Variants in PIP5KL1 observed in about 807,000 individuals in gnomAD.
PIP5KL1 encodes phosphatidylinositol 4-phosphate 5-kinase-like protein 1.
A neutral mutation model predicts 47.6 loss-of-function variants in PIP5KL1; 45 were observed. The ratio of observed to expected loss-of-function variants is 0.94; its 90% CI spans 0.74 to 1.21. The LOEUF is 1.21. Among genes scored for constraint, PIP5KL1 ranks in the 50% most tolerant of loss-of-function variants. The pLI is 0.00. For synonymous variants in PIP5KL1, 256 were observed against 234.6 expected (o/e 1.09, Z -0.84); for missense variants, 577 against 547.6 (o/e 1.05, Z -0.54).
At chr9:127,922,694 CAAAAAAA>C (rs386416269) in intron 9 of PIP5KL1, among the ~76,000 whole-genome samples, 8 of 89,558 alleles carry the variant, frequency 8.9e-5, no homozygotes, top group African/African-American at 1.8e-4. Context: ...GACTCTGTCT[CAAAAAAA>C]AAAAAAAAAA....
chr9:127,925,326 C>G, intron 8 of PIP5KL1, 66 bp from the exon 9 acceptor site: 1 of 1,559,136 alleles, frequency 6.4e-7, no homozygotes, highest in African/African-American at 1.4e-5. Context: ...TCCACACACT[C>G]TGCCCCGTGA....
At chr9:127,924,460 C>CAGG (rs990177642) in intron 9 of PIP5KL1, among the ~76,000 whole-genome samples, 9 of 147,882 alleles carry the variant, frequency 6.1e-5, no homozygotes, top group Non-Finnish European at 1.2e-4. Context: ...CACTGTACTC[C>CAGG]AGCCTGGGCT....
At chr9:127,923,616 A>G (rs1177422374) in intron 9 of PIP5KL1, among the ~76,000 whole-genome samples, 1 of 152,232 alleles carries the variant, frequency 6.6e-6, no homozygotes, top group Non-Finnish European at 1.5e-5. Flanking sequence ...TGTCCAGCCC[A>G]GCCAAAGGCC....
chr9:127,923,476 G>A lies in PIP5KL1; in HGVS notation c.918-1362C>T, dbSNP rs141508200. 7.9e-5 allele frequency among the ~76,000 whole-genome samples: 12 copies of A among 152,390 alleles called. No homozygotes were observed. In the East Asian group the frequency reaches 2.3e-3, roughly 29 times the overall value. Reference sequence around the variant, plus strand: ...AATTCCATGCAAACCAGGACTCACTGACTGAATGACAGCGGTGGCCTAAGT... The same window carrying A: ...AATTCCATGCAAACCAGGACTCACTAACTGAATGACAGCGGTGGCCTAAGT... On this transcript the variant is annotated intron_variant, in intron 9 of 9. Transcript: ENST00000388747.
Position 127,925,273 on chromosome 9 carries a change from C to T in PIP5KL1, c.764-13G>A. 6.2e-7 allele frequency: 1 copy of T among 1,610,166 alleles called. No individual in the cohort carries two copies. Among genetic ancestry groups the T allele is most frequent in the Non-Finnish European group, 8.5e-7 (1 of 1,179,864 alleles). On this transcript the variant is annotated splice_polypyrimidine_tract_variant and intron_variant, in intron 8 of 9. Coordinates refer to ENST00000388747, the MANE Select transcript of PIP5KL1 (RefSeq NM_001135219.2). Reference sequence around the variant, plus strand: ...CTCCGCTGGGGCCCTGCCGGAGCATCAGTGCCCCCACCTGAGCGCTCATCA... The same window carrying T: ...CTCCGCTGGGGCCCTGCCGGAGCATTAGTGCCCCCACCTGAGCGCTCATCA...
chr9:127,928,028 C>A, intron 4 of PIP5KL1, 37 bp downstream of exon 4: 2 of 1,493,770 alleles, frequency 1.3e-6, no homozygotes, highest in South Asian at 2.7e-5. Context: ...CCAGGGGTAC[C>A]ACTCCCACCC....
rs1311229692 is a variant in PIP5KL1, at chr9:127,925,962, C to G, written c.668G>C (p.Cys223Ser). Residue 223 changes from cysteine to serine, a missense_variant, in exon 8 of 10, where the codon TGC becomes TCC. By Grantham distance (112) the Cys-to-Ser change is moderately radical. Coordinates refer to ENST00000388747, the MANE Select transcript of PIP5KL1 (RefSeq NM_001135219.2). ...GGGATCCACCCAGCGGCTCACCTCG[C>G]AGCCTTTGATGTCATACCTGGGTGG... The part of the protein sequence containing the change: ...RISERYDIKG[C>S]EVSRWVDPAP... The G allele has an allele frequency of 1.2e-6, 2 of 1,613,394 alleles. No homozygotes were observed.
chr9:127,928,070 G>A lies in PIP5KL1; in HGVS notation c.429C>T (p.Phe143=), dbSNP rs375121307. 1.8e-4 allele frequency: 275 copies of A among 1,567,048 alleles called. No homozygotes were observed. The highest frequency in any genetic ancestry group is 2.3e-4 in the Non-Finnish European group (262 of 1,158,320). Residue 143 remains phenylalanine, a synonymous_variant, in exon 4 of 10, where the codon TTC becomes TTT. Transcript: ENST00000388747. ...CACCCCTGCCGCAAGCTCACGACAGGAAGAAGCTGGCCTTGCTCTTGGAGG... is the reference window on the plus strand; with the variant it reads ...CACCCCTGCCGCAAGCTCACGACAGAAAGAAGCTGGCCTTGCTCTTGGAGG... ...LSTSKSKASF[F]LSHDQRFFLK... is the part of the protein sequence containing the mutation.
At chr9:127,924,416 G>A (rs1299792925) in intron 9 of PIP5KL1, among the ~76,000 whole-genome samples, 4 of 151,598 alleles carry the variant, frequency 2.6e-5, no homozygotes, top group Admixed American at 1.3e-4. Flanking sequence ...GCTTGAACCC[G>A]AGAGGCGGAG....
At chr9:127,926,302 G>T (rs1372804964) in intron 7 of PIP5KL1, among the ~76,000 whole-genome samples, 4 of 150,328 alleles carry the variant, frequency 2.7e-5, no homozygotes, top group Non-Finnish European at 5.9e-5. Context: ...TGTCACCCAG[G>T]CTGGAGTGCA....
Position 127,927,595 on chromosome 9 carries a change from G to T in PIP5KL1, c.559+53C>A. On this transcript the variant is annotated intron_variant, in intron 5 of 9. Coordinates refer to ENST00000388747, the MANE Select transcript of PIP5KL1 (RefSeq NM_001135219.2). The surrounding 1 kb of genome is among the most constrained non-coding windows in gnomAD (Gnocchi z 5.5). ...CGCCCACATACCCCGCCCTCCCCAG[G>T]TATATGATGACCTAGGACCCGCCCC... 1 of 1,388,664 alleles carries T rather than the reference G, an allele frequency of 7.2e-7. No individual in the cohort carries two copies. The highest frequency in any genetic ancestry group is 9.4e-7 in the Non-Finnish European group (1 of 1,067,080). 86.0% of individuals were successfully genotyped at this position (1,388,664 alleles called of 1,614,324 possible).
chr9:127,924,284 G>A (rs1831328319), intron 9 of PIP5KL1, among the ~76,000 whole-genome samples: 1 of 152,078 alleles, frequency 6.6e-6, no homozygotes, highest in Admixed American at 6.5e-5. Flanking sequence ...GAGGTCAGGA[G>A]TTCAAGACCA....
Position 127,929,562 on chromosome 9 carries a change from CCTCT to C in PIP5KL1, c.228+122_228+125del. On this transcript the variant is annotated intron_variant, in intron 2 of 9. Coordinates refer to ENST00000388747, the MANE Select transcript of PIP5KL1 (RefSeq NM_001135219.2). This position sits in a 1 kb window ranked among gnomAD's most constrained non-coding sequence, Gnocchi z 4.0. Reference sequence around the variant, plus strand: ...CAGCTCCCACACCACAATGTTCCTCCCTCTCTGCCTTCCTCCCCTTGATATCCCT... The same window carrying C: ...CAGCTCCCACACCACAATGTTCCTCCCTGCCTTCCTCCCCTTGATATCCCT... 9.7e-7 allele frequency: 1 copy of C among 1,031,474 alleles called. No individual in the cohort carries two copies. Among genetic ancestry groups the C allele is most frequent in the South Asian group, 1.8e-5 (1 of 56,446 alleles). 63.9% of individuals were successfully genotyped at this position (1,031,474 alleles called of 1,614,324 possible). A position where few individuals can be genotyped will look rare whatever the true frequency, so the allele number is the denominator to read the frequency against.
intron 9 of PIP5KL1, among the ~76,000 whole-genome samples, chr9:127,922,332 G>GA (rs11413917): frequency 0.81 from 123,308 of 152,192 alleles, 50,456 homozygotes; most frequent in Non-Finnish European, 0.87. Context: ...ACTGAGCCTT[G>GA]AATGTGGCTA....
chr9:127,921,590 C>A lies in PIP5KL1; in HGVS notation c.*257G>T, dbSNP rs1338367862. 8 of 514,216 alleles carry A rather than the reference C, an allele frequency of 1.6e-5. No homozygotes were observed. Among genetic ancestry groups the A allele is most frequent in the Non-Finnish European group, 2.4e-5 (7 of 288,104 alleles). 31.9% of individuals were successfully genotyped at this position (514,216 alleles called of 1,614,324 possible). A position where few individuals can be genotyped will look rare whatever the true frequency, so the allele number is the denominator to read the frequency against. ...TTGATCAGTCCCTTCACCCCCTGAG[C>A]CTCCATTTCATGGTCTGTAAAAAGA... On this transcript the variant is annotated 3_prime_UTR_variant, in exon 10 of 10. Coordinates refer to ENST00000388747, the MANE Select transcript of PIP5KL1 (RefSeq NM_001135219.2).
rs116524012 is a variant in PIP5KL1 at position 127,922,936 on chromosome 9, A to C, written c.918-822T>G. Among the ~76,000 whole-genome samples the C allele has an allele frequency of 9.3e-3, 1,420 of 152,272 alleles. 15 individuals carry two copies. Among genetic ancestry groups the C allele is most frequent in the African/African-American group, 0.032 (1,336 of 41,532 alleles). On this transcript the variant is annotated intron_variant, in intron 9 of 9. Transcript: ENST00000388747. ...TTTCTACTGGGTAGCACTGGTCTATAGCTTTTGCGTCACACAGACCCTGGA... is the reference window on the plus strand; with the variant it reads ...TTTCTACTGGGTAGCACTGGTCTATCGCTTTTGCGTCACACAGACCCTGGA...
rs1831283259 is a variant in PIP5KL1 at position 127,921,748 on chromosome 9, C to A, written c.*99G>T. On this transcript the variant is annotated 3_prime_UTR_variant, in exon 10 of 10. Coordinates refer to ENST00000388747, the MANE Select transcript of PIP5KL1 (RefSeq NM_001135219.2). ...TTAGGGGATGCTGCCCTCTGGCGAC[C>A]ATCAGGAGGAAGCGCAGGCGAGATG... 2 of 1,430,608 alleles carry A rather than the reference C, an allele frequency of 1.4e-6. No individual in the cohort carries two copies. The highest frequency in any genetic ancestry group is 1.8e-6 in the Non-Finnish European group (2 of 1,081,608). 88.6% of individuals were successfully genotyped at this position (1,430,608 alleles called of 1,614,324 possible). A position where few individuals can be genotyped will look rare whatever the true frequency, so the allele number is the denominator to read the frequency against.
At position 127,927,388 on chromosome 9, in the gene PIP5KL1, T is replaced by C; in HGVS notation, c.560-57A>G. ...CCCAAACTCCACAACCCGGGGTGCA[T>C]CCGGCGCCAATCCCAGCGCCAGGCC... is the stretch of plus-strand genomic sequence containing the variant. On this transcript the variant is annotated intron_variant, in intron 5 of 9. Transcript: ENST00000388747. The surrounding 1 kb of genome is among the most constrained non-coding windows in gnomAD (Gnocchi z 5.5). The C allele has an allele frequency of 6.4e-7, 1 of 1,554,266 alleles. No individual in the cohort carries two copies. Among genetic ancestry groups the C allele is most frequent in the Non-Finnish European group, 8.7e-7 (1 of 1,154,186 alleles).
At chr9:127,925,286 T>G (rs1831346165) in intron 8 of PIP5KL1, 26 bp from the exon 9 acceptor site, 1 of 1,606,700 alleles carries the variant, frequency 6.2e-7, no homozygotes, top group Non-Finnish European at 8.5e-7. Flanking sequence ...TGCCCCCACC[T>G]GAGCGCTCAT....
Sources: allele counts gnomAD v4.1 joint callset (sites outside exome capture counted in the v4.1 genomes callset), GRCh38; gene constraint gnomAD v4.1.1; non-coding constraint Gnocchi (gnomAD v3.1); transcripts MANE v1.5; gene names NCBI Gene and HGNC (gene_info 2026-07-23, HGNC 2026-07-21).